SH3PXD2B: variants seen among roughly 807,000 people sequenced by gnomAD.
SH3PXD2B encodes SH3 and PX domain-containing protein 2B.
Under a neutral mutation model 73.1 loss-of-function variants are expected in SH3PXD2B, and 37 were observed. The ratio of observed to expected loss-of-function variants is 0.51; its 90% CI spans 0.39 to 0.67. SH3PXD2B has a LOEUF of 0.67. Among genes scored for constraint, SH3PXD2B ranks in the 30% least tolerant of loss-of-function variants. The probability of loss-of-function intolerance (pLI) is 0.00; values close to 1 mark genes in which losing one functional copy is unlikely to be tolerated. For synonymous variants in SH3PXD2B, 457 were observed against 480.5 expected (o/e 0.95, Z 0.64); for missense variants, 1,053 against 1,197.8 (o/e 0.88, Z 1.78).
chr5:172,392,318 A>G (rs192180384), intron 4 of SH3PXD2B, among the ~76,000 whole-genome samples: 13 of 152,332 alleles, frequency 8.5e-5, no homozygotes, highest in Admixed American at 3.9e-4. Context: ...TTCATCTATA[A>G]ACCAATGAGA....
chr5:172,387,397 C>T (rs897270176), intron 4 of SH3PXD2B, among the ~76,000 whole-genome samples: 1 of 152,176 alleles, frequency 6.6e-6, no homozygotes, highest in Non-Finnish European at 1.5e-5. Context: ...ATTAGCTTAA[C>T]TGTTGTTAGA....
intron 3 of SH3PXD2B, 36 bp from the exon 4 acceptor site, chr5:172,394,675 G>C (rs1758256912): frequency 2.5e-6 from 4 of 1,609,144 alleles, no homozygotes; most frequent in South Asian, 1.1e-5. Flanking sequence ...TGTTGTCAGG[G>C]AACAGGGACA....
At chr5:172,434,757 T>C (rs6867385) in intron 1 of SH3PXD2B, among the ~76,000 whole-genome samples, 13,095 of 150,578 alleles carry the variant, frequency 0.087, 1,802 homozygotes, top group African/African-American at 0.3. Context: ...TATTACATTT[T>C]GGTCCTGGGA....
intron 1 of SH3PXD2B, among the ~76,000 whole-genome samples, chr5:172,448,251 A>G (rs1457599616): frequency 6.6e-6 from 1 of 152,242 alleles, no homozygotes; most frequent in African/African-American, 2.4e-5. Flanking sequence ...AAAACTGCAT[A>G]GTGTGCCTTC....
chr5:172,441,917 A>G (rs1759558504), intron 1 of SH3PXD2B, among the ~76,000 whole-genome samples: 1 of 151,750 alleles, frequency 6.6e-6, no homozygotes, highest in South Asian at 2.1e-4. Context: ...CCACTCCTGG[A>G]CCCCTCCCTT....
At chr5:172,352,564 C>T (rs558861752) in intron 9 of SH3PXD2B, among the ~76,000 whole-genome samples, 84 of 152,274 alleles carry the variant, frequency 5.5e-4, no homozygotes, top group South Asian at 4.1e-3. Flanking sequence ...GTGTCCCCAT[C>T]GACATCTTGA....
At chr5:172,349,492 G>A (rs1757110117) in intron 10 of SH3PXD2B, among the ~76,000 whole-genome samples, 1 of 152,136 alleles carries the variant, frequency 6.6e-6, no homozygotes, top group Non-Finnish European at 1.5e-5. Context: ...TACACGAGGA[G>A]GCTTTGAAAA....
At chr5:172,325,674 C>T (rs977891235) in intron 12 of SH3PXD2B, among the ~76,000 whole-genome samples, 5 of 152,234 alleles carry the variant, frequency 3.3e-5, no homozygotes, top group African/African-American at 9.6e-5. Context: ...CACACTTCCT[C>T]TGTCAAGCCC....
chr5:172,334,502 C>T lies in SH3PXD2B; in HGVS notation c.*3867G>A. 1.0e-6 allele frequency: 1 copy of T among 985,696 alleles called. No homozygotes were observed. The highest frequency in any genetic ancestry group is 1.7e-5 in the African/African-American group (1 of 57,358). The allele number at this position is 985,696 out of a possible 1,614,324, so 61.1% of individuals were successfully genotyped here. A position where few individuals can be genotyped will look rare whatever the true frequency, so the allele number is the denominator to read the frequency against. On this transcript the variant is annotated 3_prime_UTR_variant, in exon 13 of 13. Coordinates refer to ENST00000311601, the MANE Select transcript of SH3PXD2B (RefSeq NM_001017995.3). Reference sequence around the variant, plus strand: ...TACACAACAGCCCTGCAGAACGGGCCTGGACAACCCTTGGGGGATAAGACA... The same window carrying T: ...TACACAACAGCCCTGCAGAACGGGCTTGGACAACCCTTGGGGGATAAGACA...
chr5:172,416,674 G>A (rs1168628873), intron 2 of SH3PXD2B, among the ~76,000 whole-genome samples: 30 of 110,548 alleles, frequency 2.7e-4, no homozygotes, highest in Non-Finnish European at 4.7e-4. Context: ...CATAGAGACT[G>A]TGAGTCTCTC....
chr5:172,358,005 T>C (rs187558448), intron 8 of SH3PXD2B, among the ~76,000 whole-genome samples: 6 of 152,224 alleles, frequency 3.9e-5, no homozygotes, highest in African/African-American at 1.4e-4. Flanking sequence ...TGCATGTGGA[T>C]CTCATTTAAT....
chr5:172,415,252 A>G (rs1758793718), intron 2 of SH3PXD2B, among the ~76,000 whole-genome samples: 1 of 152,164 alleles, frequency 6.6e-6, no homozygotes, highest in Non-Finnish European at 1.5e-5. Context: ...CAGAAGACAA[A>G]GGTTGCACGG....
At chr5:172,423,375 T>C (rs922661035) in intron 1 of SH3PXD2B, among the ~76,000 whole-genome samples, 1 of 152,164 alleles carries the variant, frequency 6.6e-6, no homozygotes, top group Non-Finnish European at 1.5e-5. Flanking sequence ...AGAAATGTCA[T>C]AGAAACACAA....
intron 6 of SH3PXD2B, among the ~76,000 whole-genome samples, chr5:172,372,609 C>A (rs538671740): frequency 2.3e-4 from 35 of 152,122 alleles, no homozygotes; most frequent in African/African-American, 8.2e-4. Flanking sequence ...GTAATAAAAA[C>A]GGCATCAAGC....
At chr5:172,396,876 G>C (rs1286098625) in intron 3 of SH3PXD2B, among the ~76,000 whole-genome samples, 1 of 152,140 alleles carries the variant, frequency 6.6e-6, no homozygotes, top group Non-Finnish European at 1.5e-5. Flanking sequence ...AGGAGATGGA[G>C]GTTGCAGTGA....
chr5:172,348,645 T>TC (rs746409033), intron 10 of SH3PXD2B, among the ~76,000 whole-genome samples: 7 of 51,174 alleles, frequency 1.4e-4, no homozygotes, highest in African/African-American at 2.3e-4. Context: ...TATGTATCTA[T>TC]CTATCTATCC....
intron 1 of SH3PXD2B, among the ~76,000 whole-genome samples, chr5:172,424,557 A>C (rs1180606512): frequency 2.6e-5 from 4 of 152,232 alleles, no homozygotes; most frequent in Non-Finnish European, 5.9e-5. Context: ...ATGGACTTAT[A>C]GGAGAAGGTT....
intron 4 of SH3PXD2B, among the ~76,000 whole-genome samples, 155 bp from the exon 5 acceptor site, chr5:172,382,282 C>G (rs1435873057): frequency 6.6e-6 from 1 of 152,176 alleles, no homozygotes; most frequent in Non-Finnish European, 1.5e-5. Context: ...CGCCACTGCA[C>G]TCCAGACTGG....
chr5:172,362,986 C>G (rs878959941), intron 6 of SH3PXD2B, 117 bp from the exon 7 acceptor site: 1 of 1,360,166 alleles, frequency 7.4e-7, no homozygotes, highest in Admixed American at 1.7e-5. Context: ...AGTTACAGGA[C>G]TCATCTCAAG....
Sources: gnomAD v4.1 joint callset for allele counts (sites outside exome capture counted in the v4.1 genomes callset) on GRCh38, gnomAD v4.1.1 for gene constraint, MANE v1.5 for transcripts, NCBI Gene and HGNC (gene_info 2026-07-23, HGNC 2026-07-21) for gene names.